NRXN3: variants seen among roughly 807,000 people sequenced by gnomAD.
NRXN3 encodes the protein neurexin 3.
In NRXN3, 32 loss-of-function variants were observed where a neutral mutation model predicts 137.6. The observed-to-expected ratio is 0.23, with a 90% CI of 0.18 to 0.31. The LOEUF (loss-of-function observed/expected upper bound fraction) is 0.31. Ranked by LOEUF, NRXN3 falls within the 10% of genes least tolerant of loss-of-function variation. The pLI is 1.00. For synonymous variants in NRXN3, 798 were observed against 784.5 expected (o/e 1.02, Z -0.29); for missense variants, 1,574 against 2,062.5 (o/e 0.76, Z 4.59).
chr14:79,589,791 C>CATT (rs2097788924), intron 16 of NRXN3, among the ~76,000 whole-genome samples: 3 of 152,070 alleles, frequency 2.0e-5, no homozygotes, highest in Admixed American at 2.0e-4. Flanking sequence ...ATTGCTCACT[C>CATT]TTAATGAGTC....
chr14:79,838,891 A>T (rs1200754918), intron 20 of NRXN3, among the ~76,000 whole-genome samples: 1 of 152,228 alleles, frequency 6.6e-6, no homozygotes, highest in African/African-American at 2.4e-5. Flanking sequence ...GCCATTAATG[A>T]AACCTACCAG....
rs369822149 is a variant in NRXN3 at position 78,324,732 on chromosome 14, T to A, written c.757+26872T>A. On this transcript the variant is annotated intron_variant, in intron 4 of 20. Coordinates refer to ENST00000335750, the MANE Select transcript of NRXN3 (RefSeq NM_001330195.2). ...ATATCTGGATTTTAGTAAAATCACT[T>A]GATGGAGAAATGGCCTGAAATCTTG... Among the ~76,000 whole-genome samples the A allele has an allele frequency of 5.9e-5, 9 of 152,120 alleles. 1 individual carries two copies. The highest frequency in any genetic ancestry group is 1.9e-4 in the African/African-American group (8 of 41,436).
chr14:79,213,631 G>A (rs571697737), intron 15 of NRXN3, among the ~76,000 whole-genome samples: 2 of 151,296 alleles, frequency 1.3e-5, no homozygotes, highest in Non-Finnish European at 2.9e-5. Flanking sequence ...TTTTTGGGGG[G>A]GGGTGGCGGG....
intron 16 of NRXN3, among the ~76,000 whole-genome samples, chr14:79,552,977 GCATTC>G: frequency 6.9e-6 from 1 of 144,424 alleles, no homozygotes; most frequent in Admixed American, 6.8e-5. Context: ...AAAGACCATT[GCATTC>G]CTTCTGGATA....
intron 10 of NRXN3, among the ~76,000 whole-genome samples, chr14:78,947,636 C>T (rs920145846): frequency 6.6e-6 from 1 of 152,212 alleles, no homozygotes; most frequent in African/African-American, 2.4e-5. Context: ...CTCCATGGTT[C>T]AGAGTGAAGA....
rs1204810283 is a variant in NRXN3 at position 79,740,710 on chromosome 14, TTTTATATATATATATATATATATA to T, written c.4014+42775_4014+42798del. 9.9e-4 allele frequency among the ~76,000 whole-genome samples: 73 copies of T among 73,694 alleles called. 2 individuals carry two copies. The highest frequency in any genetic ancestry group is 3.1e-3 in the South Asian group (8 of 2,564). 48.3% of individuals were successfully genotyped at this position (73,694 alleles called of 152,430 possible). A position where few individuals can be genotyped will look rare whatever the true frequency, so the allele number is the denominator to read the frequency against. On this transcript the variant is annotated intron_variant, in intron 19 of 20. Coordinates refer to ENST00000335750, the MANE Select transcript of NRXN3 (RefSeq NM_001330195.2). The stretch of plus-strand genomic sequence containing the variant: ...TTTCCACTGGACTTTGCATTTAGTT[TTTTATATATATATATATATATATA>T]TATATATATATATATATATATATAT...
chr14:78,191,330 AG>A (rs1395460845), intron 1 of NRXN3, among the ~76,000 whole-genome samples: 5 of 152,278 alleles, frequency 3.3e-5, no homozygotes, highest in Admixed American at 6.5e-5. Flanking sequence ...GGTGGCTGAG[AG>A]AGGTTTTATG....
intron 4 of NRXN3, among the ~76,000 whole-genome samples, chr14:78,610,806 A>C (rs1000366032): frequency 6.6e-6 from 1 of 152,180 alleles, no homozygotes; most frequent in Admixed American, 6.5e-5. Context: ...AGAAATCTAC[A>C]ATTACTCGGA....
intron 14 of NRXN3, among the ~76,000 whole-genome samples, chr14:78,984,121 A>T (rs1178610180): frequency 6.6e-6 from 1 of 152,102 alleles, no homozygotes; most frequent in African/African-American, 2.4e-5. Flanking sequence ...TTTCAATTAG[A>T]CAAGAGGAAT....
intron 4 of NRXN3, among the ~76,000 whole-genome samples, chr14:78,550,235 A>G (rs954693627): frequency 6.6e-6 from 1 of 152,090 alleles, no homozygotes; most frequent in Non-Finnish European, 1.5e-5. Flanking sequence ...GGGATTCAGC[A>G]TATTTCCCAG....
chr14:79,776,019 T>G (rs566840289), intron 19 of NRXN3, among the ~76,000 whole-genome samples: 23 of 152,106 alleles, frequency 1.5e-4, no homozygotes, highest in Admixed American at 1.2e-3. Flanking sequence ...TAATGAGTGA[T>G]GGGATGAGTG....
At chr14:78,382,036 T>A (rs1024375676) in intron 4 of NRXN3, among the ~76,000 whole-genome samples, 1 of 152,222 alleles carries the variant, frequency 6.6e-6, no homozygotes, top group African/African-American at 2.4e-5. Flanking sequence ...CTGCTTGTGA[T>A]ATTGTACTAT....
intron 15 of NRXN3, among the ~76,000 whole-genome samples, chr14:79,398,333 C>G (rs1000946090): frequency 6.6e-6 from 1 of 152,136 alleles, no homozygotes; most frequent in Non-Finnish European, 1.5e-5. Context: ...TCAGGAAGTT[C>G]TTTGCAAGAT....
intron 15 of NRXN3, among the ~76,000 whole-genome samples, chr14:79,119,238 A>G (rs2055002421): frequency 6.6e-6 from 1 of 152,024 alleles, no homozygotes; most frequent in East Asian, 1.9e-4. Flanking sequence ...TTATATCTCT[A>G]TGTGTTTTTG....
chr14:79,695,089 G>A (rs1207160727), intron 18 of NRXN3, among the ~76,000 whole-genome samples: 1 of 151,950 alleles, frequency 6.6e-6, no homozygotes, highest in Non-Finnish European at 1.5e-5. Flanking sequence ...CAGGAAACCT[G>A]CCTTGCCTTT....
chr14:79,831,467 A>G (rs562944460), intron 20 of NRXN3, among the ~76,000 whole-genome samples: 33 of 152,344 alleles, frequency 2.2e-4, no homozygotes, highest in African/African-American at 7.7e-4. Context: ...AAGGAAGCTC[A>G]TGTAATCATG....
intron 20 of NRXN3, among the ~76,000 whole-genome samples, chr14:79,857,723 C>G (rs2099405806): frequency 6.6e-6 from 1 of 152,102 alleles, no homozygotes; most frequent in African/African-American, 2.4e-5. Context: ...AAATGTTCTA[C>G]CTATTTTCAT....
At chr14:78,454,233 T>C (rs951998875) in intron 4 of NRXN3, among the ~76,000 whole-genome samples, 1 of 152,136 alleles carries the variant, frequency 6.6e-6, no homozygotes, top group African/African-American at 2.4e-5. Flanking sequence ...AGGTATTTCA[T>C]GTCTTTTTTC....
intron 20 of NRXN3, among the ~76,000 whole-genome samples, chr14:79,844,100 T>C (rs558768822): frequency 3.0e-4 from 46 of 152,200 alleles, no homozygotes; most frequent in Non-Finnish European, 5.1e-4. Flanking sequence ...TATGGCTGAA[T>C]AGTATTCCAT....
Sources: gnomAD v4.1 joint callset for allele counts (sites outside exome capture counted in the v4.1 genomes callset) on GRCh38, gnomAD v4.1.1 for gene constraint, MANE v1.5 for transcripts, NCBI Gene and HGNC (gene_info 2026-07-23, HGNC 2026-07-21) for gene names.